The following PSME4 variants were observed in gnomAD, a reference collection of about 807,000 sequenced individuals.
PSME4 encodes proteasome activator complex subunit 4.
In PSME4, 89 loss-of-function variants were observed where a neutral mutation model predicts 253.9. The ratio of observed to expected loss-of-function variants is 0.35; its 90% confidence interval spans 0.30 to 0.42. The LOEUF is 0.42. Among genes scored for constraint, PSME4 ranks in the 10% least tolerant of loss-of-function variants. The pLI, the probability that PSME4 is intolerant of heterozygous loss-of-function variation, is 1.00. For missense variants in PSME4, 2,014 were observed against 2,195.2 expected (o/e 0.92, Z 1.65); for synonymous variants, 851 against 759.2 (o/e 1.12, Z -1.99).
intron 26 of PSME4, among the ~76,000 whole-genome samples, chr2:53,904,750 A>G (rs888505629): frequency 1.3e-5 from 2 of 152,046 alleles, no homozygotes; most frequent in African/African-American, 4.8e-5. Flanking sequence ...GCACTTTGGG[A>G]GGCTGAGGTG....
chr2:53,928,083 TA>T (rs1278835617), intron 11 of PSME4, 33 bp downstream of exon 11: 28 of 1,534,114 alleles, frequency 1.8e-5, no homozygotes, highest in Non-Finnish European at 2.5e-5. Flanking sequence ...GCCTCCTACC[TA>T]AATACGGAGT....
rs1210100943 is a variant in PSME4, at chr2:53,897,941, G to T, written c.3535C>A (p.Arg1179=). Residue 1179 remains arginine (R), a synonymous_variant, in exon 31 of 47, where the codon CGA becomes AGA. Coordinates refer to ENST00000404125, the MANE Select transcript of PSME4 (RefSeq NM_014614.3). ...GLLSLLLRDD[R]VLPLRAIRFF... ...CGTATGGCACGAAGAGGCAACACTC[G>T]GTCATCTCTCAGCAGTAGAGACAGA... 6.2e-7 allele frequency: 1 copy of T among 1,612,934 alleles called. No individual in the cohort carries two copies. The highest frequency in any genetic ancestry group is 8.5e-7 in the Non-Finnish European group (1 of 1,179,010).
At chr2:53,930,713 C>T (rs887188125) in intron 10 of PSME4, among the ~76,000 whole-genome samples, 28 of 152,144 alleles carry the variant, frequency 1.8e-4, no homozygotes, top group African/African-American at 6.5e-4. Context: ...CGGTATCCTT[C>T]CCCAAGTAAA....
chr2:53,874,664 G>A (rs1679041145), intron 42 of PSME4, among the ~76,000 whole-genome samples, 170 bp from the exon 43 acceptor site: 1 of 152,192 alleles, frequency 6.6e-6, no homozygotes, highest in Non-Finnish European at 1.5e-5. Flanking sequence ...AATGAGGCTG[G>A]GCACAGTGGC....
chr2:53,932,304 C>A (rs748006206), intron 9 of PSME4, among the ~76,000 whole-genome samples: 2 of 151,798 alleles, frequency 1.3e-5, no homozygotes, highest in Non-Finnish European at 2.9e-5. Flanking sequence ...GTTTCAAATT[C>A]CAGTCTAAAA....
In PSME4 at chr2:53,940,019, T is replaced by C; in HGVS notation, c.501-19A>G. 1 of 1,542,120 alleles carries C rather than the reference T, an allele frequency of 6.5e-7. No individual in the cohort carries two copies. The highest frequency in any genetic ancestry group is 8.9e-7 in the Non-Finnish European group (1 of 1,127,002). ...TACAGAACTGGGGGGGGAAAGCCAT[T>C]TGATAATTAGATTGGTGTATTTTAA... On this transcript the variant is annotated intron_variant, in intron 3 of 46. Transcript: ENST00000404125.
At chr2:53,915,000 T>C (rs906127768) in intron 20 of PSME4, among the ~76,000 whole-genome samples, 3 of 152,250 alleles carry the variant, frequency 2.0e-5, no homozygotes, top group African/African-American at 7.2e-5. Context: ...TTTTTATTTT[T>C]TGTCAATCTC....
intron 29 of PSME4, among the ~76,000 whole-genome samples, chr2:53,899,089 A>G (rs1680272847): frequency 6.6e-6 from 1 of 152,166 alleles, no homozygotes; most frequent in African/African-American, 2.4e-5. Context: ...TATTTGAGAC[A>G]GGGTCTTGCT....
intron 25 of PSME4, 28 bp downstream of exon 25, chr2:53,906,778 A>C (rs774484483): frequency 6.2e-7 from 1 of 1,605,426 alleles, no homozygotes; most frequent in South Asian, 1.1e-5. Flanking sequence ...CATTTTAAAA[A>C]GTCACTATGA....
chr2:53,887,338 T>G lies in PSME4; in HGVS notation c.4650A>C (p.Glu1550Asp). Residue 1550 changes from glutamate (E) to aspartate (D), a missense_variant, in exon 40 of 47, where the codon GAA (glutamate) becomes GAC (aspartate). Transcript: ENST00000404125. Reference protein sequence around the residue: ...KLKPLMDVDEEIQNHVMEENG... With the variant: ...KLKPLMDVDEDIQNHVMEENG... ...TTTCTTCCATAACATGGTTCTGAAT[T>G]TCTTCATCCACATCCATGAGAGGTT... 6.2e-7 allele frequency: 1 copy of G among 1,614,054 alleles called. No individual in the cohort carries two copies. Among genetic ancestry groups the G allele is most frequent in the East Asian group, 2.2e-5 (1 of 44,872 alleles).
At chr2:53,907,081 C>T (rs1302995354) in intron 24 of PSME4, among the ~76,000 whole-genome samples, 1 of 152,016 alleles carries the variant, frequency 6.6e-6, no homozygotes, top group African/African-American at 2.4e-5. Flanking sequence ...TTTTAAATAG[C>T]CCATCCAACA....
intron 6 of PSME4, 72 bp from the exon 7 acceptor site, chr2:53,936,233 C>T: frequency 6.3e-7 from 1 of 1,582,656 alleles, no homozygotes; most frequent in Non-Finnish European, 8.6e-7. Flanking sequence ...CACACCCCTC[C>T]TCCATTTGTT....
intron 1 of PSME4, among the ~76,000 whole-genome samples, chr2:53,965,601 A>T (rs1258537978): frequency 6.6e-6 from 1 of 150,960 alleles, no homozygotes; most frequent in Non-Finnish European, 1.5e-5. Context: ...TTTTTTTTTT[A>T]ATGAGTGGGG....
At chr2:53,907,318 T>C (rs1479867136) in intron 24 of PSME4, among the ~76,000 whole-genome samples, 1 of 152,192 alleles carries the variant, frequency 6.6e-6, no homozygotes, top group Admixed American at 6.5e-5. Context: ...CTTTTATCCA[T>C]ATAATCTTCC....
intron 44 of PSME4, among the ~76,000 whole-genome samples, chr2:53,868,421 C>A (rs542224832): frequency 7.8e-4 from 117 of 149,498 alleles, no homozygotes; most frequent in South Asian, 6.1e-3. Context: ...CACTGCACTC[C>A]AGCCTGGGTG....
In PSME4 at chr2:53,920,222, A is replaced by G. The variant is rs770868772; in HGVS notation, c.2391T>C (p.His797=). The G allele has an allele frequency of 6.2e-7, 1 of 1,613,112 alleles. No homozygotes were observed. Among genetic ancestry groups the G allele is most frequent in the Non-Finnish European group, 8.5e-7 (1 of 1,179,412 alleles). Residue 797 remains histidine (H), a synonymous_variant, in exon 19 of 47, where the codon CAT becomes CAC. Transcript: ENST00000404125. ...ACATTTCAAGTTTTCCATCCCCACA[A>G]TGCTGGAGTTTGACGAGCTCAGGCT... ...FLQPELVKLQ[H]CGDGKLEMSR... is the part of the protein sequence containing the mutation.
At chr2:53,941,734 C>A (rs1669464344) in intron 3 of PSME4, among the ~76,000 whole-genome samples, 1 of 151,994 alleles carries the variant, frequency 6.6e-6, no homozygotes, top group South Asian at 2.1e-4. Context: ...AAAGGTAATT[C>A]TAAAATTGTA....
At chr2:53,901,286 TA>T (rs781600843) in intron 28 of PSME4, 63 bp downstream of exon 28, 74 of 1,408,632 alleles carry the variant, frequency 5.3e-5, no homozygotes, top group Non-Finnish European at 6.9e-5. Context: ...GCAAGAAAAA[TA>T]AAGGGCATTT....
chr2:53,924,251 A>G (rs1668460068), intron 14 of PSME4, among the ~76,000 whole-genome samples: 1 of 152,360 alleles, frequency 6.6e-6, no homozygotes, highest in Non-Finnish European at 1.5e-5. Context: ...TTTTGGTTAA[A>G]TAAGAGATGA....
Sources: allele counts gnomAD v4.1 joint callset (sites outside exome capture counted in the v4.1 genomes callset), GRCh38; gene constraint gnomAD v4.1.1; transcripts MANE v1.5; gene names NCBI Gene and HGNC (gene_info 2026-07-23, HGNC 2026-07-21).